SOX10: variants seen among roughly 807,000 people sequenced by gnomAD.
SOX10 encodes transcription factor SOX-10.
Under a neutral mutation model 35.0 loss-of-function variants are expected in SOX10, and 3 were observed. That is an observed-to-expected ratio of 0.09 (90% CI 0.04 to 0.22). SOX10 has a LOEUF of 0.22. Among genes scored for constraint, SOX10 ranks in the 10% least tolerant of loss-of-function variants. The pLI, the probability that SOX10 is intolerant of heterozygous loss-of-function variation, is 1.00. For synonymous variants in SOX10, 285 were observed against 291.0 expected (o/e 0.98, Z 0.21); for missense variants, 436 against 655.1 (o/e 0.67, Z 3.65).
chr22:37,972,319 A>C lies in SOX10; in HGVS notation c.*1176T>G. 9.4e-7 allele frequency: 1 copy of C among 1,066,794 alleles called. No individual in the cohort carries two copies. Among genetic ancestry groups the C allele is most frequent in the Non-Finnish European group, 1.3e-6 (1 of 772,588 alleles). 66.1% of individuals were successfully genotyped at this position (1,066,794 alleles called of 1,614,324 possible). ...TCAGGCTCACCAAGCAGGTAACCGGAACCTTTAATTTTATTATGTGGAATG... is the reference window on the plus strand; with the variant it reads ...TCAGGCTCACCAAGCAGGTAACCGGCACCTTTAATTTTATTATGTGGAATG... On this transcript the variant is annotated 3_prime_UTR_variant, in exon 4 of 4. Transcript: ENST00000396884.
At position 37,978,413 on chromosome 22, in the gene SOX10, G is replaced by T. The variant is rs1932291645; in HGVS notation, c.429-278C>A. On this transcript the variant is annotated intron_variant, in intron 2 of 3. Coordinates refer to ENST00000396884, the MANE Select transcript of SOX10 (RefSeq NM_006941.4). This position sits in a 1 kb window ranked among gnomAD's most constrained non-coding sequence, Gnocchi z 5.0. ...CCCGCTGCTCCTGGCAGCCCCTGAG[G>T]AGGAGTTAGAAGTAGGAGTAGAGGT... Among the ~76,000 whole-genome samples, 1 of 152,242 alleles carries T rather than the reference G, an allele frequency of 6.6e-6. No homozygotes were observed. The highest frequency in any genetic ancestry group is 1.5e-5 in the Non-Finnish European group (1 of 68,038).
Position 37,983,222 on chromosome 22 carries a change from C to T in SOX10, c.428+135G>A. ...TGGAAGGGCGGGCGCGGCCCCCACA[C>T]CTGGTCTTCCAGCCCTATCCAAGGA... On this transcript the variant is annotated intron_variant, in intron 2 of 3. Transcript: ENST00000396884. This position sits in a 1 kb window ranked among gnomAD's most constrained non-coding sequence, Gnocchi z 9.5. 1 of 1,088,612 alleles carries T rather than the reference C, an allele frequency of 9.2e-7. No individual in the cohort carries two copies. The allele number at this position is 1,088,612 out of a possible 1,614,324, so 67.4% of individuals were successfully genotyped here. A position where few individuals can be genotyped will look rare whatever the true frequency, so the allele number is the denominator to read the frequency against.
chr22:37,981,223 C>T (rs1321005574), intron 2 of SOX10, among the ~76,000 whole-genome samples: 1 of 152,234 alleles, frequency 6.6e-6, no homozygotes, highest in Admixed American at 6.5e-5. Flanking sequence ...TTCTTGACAT[C>T]CCAGGAGTCA....
chr22:37,975,945 A>G (rs1376527268), intron 3 of SOX10, among the ~76,000 whole-genome samples: 1 of 152,062 alleles, frequency 6.6e-6, no homozygotes. Context: ...CTATATATAT[A>G]GTAAGAGATA....
chr22:37,979,792 C>T (rs559956523), intron 2 of SOX10, among the ~76,000 whole-genome samples: 19 of 152,006 alleles, frequency 1.2e-4, no homozygotes, highest in Admixed American at 3.3e-4. Flanking sequence ...CAGAGGGGGT[C>T]GAGGGGAAAG....
In SOX10 at chr22:37,972,958, C is replaced by G. The variant is rs565069012; in HGVS notation, c.*537G>C. 108 of 155,500 alleles carry G rather than the reference C, an allele frequency of 6.9e-4. 1 individual carries two copies. The South Asian group carries it at 0.021, about 30-fold the overall frequency. The allele number at this position is 155,500 out of a possible 1,614,324, so 9.6% of individuals were successfully genotyped here. On this transcript the variant is annotated 3_prime_UTR_variant, in exon 4 of 4. Transcript: ENST00000396884. Reference sequence around the variant, plus strand: ...ACTCCACTAAGTCCCTCGAACCCCCCACTCCCCAATGAGGCTCCTCAAAGC... The same window carrying G: ...ACTCCACTAAGTCCCTCGAACCCCCGACTCCCCAATGAGGCTCCTCAAAGC...
chr22:37,976,295 A>G (rs1241396449), intron 3 of SOX10, among the ~76,000 whole-genome samples: 9 of 152,228 alleles, frequency 5.9e-5, no homozygotes, highest in Admixed American at 2.0e-4. Flanking sequence ...TCATGGGCTC[A>G]GGTGATCCTC....
chr22:37,973,781 T>C lies in SOX10; in HGVS notation c.1115A>G (p.Gln372Arg). The C allele has an allele frequency of 6.3e-7, 1 of 1,594,852 alleles. No homozygotes were observed. The highest frequency in any genetic ancestry group is 1.1e-5 in the South Asian group (1 of 89,644). ...GPQGPPHYTD[Q>R]PSTSQIAYTS... Reference sequence around the variant, plus strand: ...GTAGGCGATCTGTGAGGTGGATGGCTGGTCGGTGTAGTGTGGGGGCCCCTG... The same window carrying C: ...GTAGGCGATCTGTGAGGTGGATGGCCGGTCGGTGTAGTGTGGGGGCCCCTG... Residue 372 changes from glutamine (Q) to arginine (R), a missense_variant, in exon 4 of 4, where the codon CAG (glutamine) becomes CGG (arginine). Around this residue, in one of 3 missense-constraint regions of SOX10, gnomAD observed 285 missense variants for 402.9 expected, o/e 0.71. Coordinates refer to ENST00000396884, the MANE Select transcript of SOX10 (RefSeq NM_006941.4).
At position 37,973,125 on chromosome 22, in the gene SOX10, T is replaced by G; in HGVS notation, c.*370A>C. 3 of 224,412 alleles carry G rather than the reference T, an allele frequency of 1.3e-5. No individual in the cohort carries two copies. The highest frequency in any genetic ancestry group is 2.6e-5 in the Non-Finnish European group (3 of 113,810). 13.9% of individuals were successfully genotyped at this position (224,412 alleles called of 1,614,324 possible). A position where few individuals can be genotyped will look rare whatever the true frequency, so the allele number is the denominator to read the frequency against. On this transcript the variant is annotated 3_prime_UTR_variant, in exon 4 of 4. Coordinates refer to ENST00000396884, the MANE Select transcript of SOX10 (RefSeq NM_006941.4). ...AGAGAGAAAACAGGAGTCATAGGAG[T>G]GGTAAGGCCTCCGATGCCACCAACC...
rs1889485360 is a variant in SOX10 at position 37,972,456 on chromosome 22, A to T, written c.*1039T>A. On this transcript the variant is annotated 3_prime_UTR_variant, in exon 4 of 4. Coordinates refer to ENST00000396884, the MANE Select transcript of SOX10 (RefSeq NM_006941.4). ...GATTTGGGGGGCTGCAGAACAGGAA[A>T]ATAGGGGCAGATATAGCTACATACT... is the stretch of plus-strand genomic sequence containing the variant. 2 of 349,742 alleles carry T rather than the reference A, an allele frequency of 5.7e-6. No individual in the cohort carries two copies. Among genetic ancestry groups the T allele is most frequent in the African/African-American group, 4.3e-5 (2 of 46,448 alleles). The allele number at this position is 349,742 out of a possible 1,614,324, so 21.7% of individuals were successfully genotyped here. A position where few individuals can be genotyped will look rare whatever the true frequency, so the allele number is the denominator to read the frequency against.
At position 37,983,597 on chromosome 22, in the gene SOX10, G is replaced by T; in HGVS notation, c.188C>A (p.Ala63Glu). 2 of 1,608,496 alleles carry T rather than the reference G, an allele frequency of 1.2e-6. No individual in the cohort carries two copies. The highest frequency in any genetic ancestry group is 8.5e-7 in the Non-Finnish European group (1 of 1,178,848). ...KVKKEQQDGE[A>E]DDDKFPVCIR... ...GCACACGGGGAACTTGTCATCGTCC[G>T]CCTCGCCGTCCTGCTGCTCCTTCTT... The change falls in exon 2 of 4, where the codon GCG (alanine) becomes GAG (glutamate). Residue 63 changes from alanine (A) to glutamate (E), a missense_variant. By Grantham distance (107) the Ala-to-Glu change is moderately radical. Around this residue, in one of 3 missense-constraint regions of SOX10, gnomAD observed 97 missense variants for 95.5 expected, o/e 1.02. Coordinates refer to ENST00000396884, the MANE Select transcript of SOX10 (RefSeq NM_006941.4). The surrounding 1 kb of genome is among the most constrained non-coding windows in gnomAD (Gnocchi z 9.5).
Position 37,984,533 on chromosome 22 carries a change from A to G in SOX10, c.-279T>C, listed in dbSNP as rs1335321466. 6.7e-6 allele frequency: 1 copy of G among 148,324 alleles called. No homozygotes were observed. Among genetic ancestry groups the G allele is most frequent in the African/African-American group, 2.5e-5 (1 of 40,598 alleles). The allele number at this position is 148,324 out of a possible 1,614,324, so 9.2% of individuals were successfully genotyped here. On this transcript the variant is annotated 5_prime_UTR_variant, in exon 1 of 4. Coordinates refer to ENST00000396884, the MANE Select transcript of SOX10 (RefSeq NM_006941.4). This position sits in a 1 kb window ranked among gnomAD's most constrained non-coding sequence, Gnocchi z 4.4. ...TTACCACCAACCACCCTGGCCGGACAGCCCGAGACTGACTGAGCGACTGAG... is the reference window on the plus strand; with the variant it reads ...TTACCACCAACCACCCTGGCCGGACGGCCCGAGACTGACTGAGCGACTGAG...
intron 3 of SOX10, among the ~76,000 whole-genome samples, chr22:37,976,994 C>T (rs751813407): frequency 2.0e-5 from 3 of 151,612 alleles, no homozygotes; most frequent in Admixed American, 6.6e-5. Flanking sequence ...ATAGTGAAAC[C>T]CTGTCTCTGC....
rs2145762996 is a variant in SOX10 at position 37,974,723 on chromosome 22, G to A, written c.698-525C>T. The stretch of plus-strand genomic sequence containing the variant: ...ATGAAATTCTCAAATCTTAGGGATG[G>A]GTCCTGGGGAGGCCTGCCTCATTCT... On this transcript the variant is annotated intron_variant, in intron 3 of 3. Transcript: ENST00000396884. The surrounding 1 kb of genome is among the most constrained non-coding windows in gnomAD (Gnocchi z 5.4). Among the ~76,000 whole-genome samples the A allele has an allele frequency of 6.6e-6, 1 of 152,216 alleles. No individual in the cohort carries two copies. Among genetic ancestry groups the A allele is most frequent in the South Asian group, 2.1e-4 (1 of 4,818 alleles).
rs1435484490 is a variant in SOX10, at chr22:37,973,169, G to A, written c.*326C>T. On this transcript the variant is annotated 3_prime_UTR_variant, in exon 4 of 4. Coordinates refer to ENST00000396884, the MANE Select transcript of SOX10 (RefSeq NM_006941.4). ...ACCAACCCTGGTGCTTCCCCTCCCC[G>A]AGGAGGGTGAGCAGGCCCTTCTCAG... The A allele has an allele frequency of 3.2e-5, 10 of 311,730 alleles. No individual in the cohort carries two copies. The highest frequency in any genetic ancestry group is 9.5e-5 in the South Asian group (1 of 10,562). The allele number at this position is 311,730 out of a possible 1,614,324, so 19.3% of individuals were successfully genotyped here.
intron 3 of SOX10, among the ~76,000 whole-genome samples, chr22:37,976,122 C>T (rs1172363806): frequency 1.3e-5 from 2 of 152,148 alleles, no homozygotes; most frequent in African/African-American, 4.8e-5. Flanking sequence ...ACTTAGGAGG[C>T]TGAGGCACAA....
chr22:37,974,116 C>A lies in SOX10; in HGVS notation c.780G>T (p.Gly260=). The A allele has an allele frequency of 6.2e-7, 1 of 1,613,338 alleles. No individual in the cohort carries two copies. The highest frequency in any genetic ancestry group is 8.5e-7 in the Non-Finnish European group (1 of 1,180,006). The change falls in exon 4 of 4, where the codon GGG becomes GGT. Residue 260 remains glycine (G), a synonymous_variant. Coordinates refer to ENST00000396884, the MANE Select transcript of SOX10 (RefSeq NM_006941.4). The surrounding 1 kb of genome is among the most constrained non-coding windows in gnomAD (Gnocchi z 5.4). ...QSGKADPKRD[G]RSMGEGGKPH... ...GCTTCCCGCCCTCCCCCATGGAGCG[C>A]CCGTCCCGCTTCGGGTCTGCCTTGC...
At position 37,983,055 on chromosome 22, in the gene SOX10, C is replaced by T. The variant is rs1309906518; in HGVS notation, c.428+302G>A. Reference sequence around the variant, plus strand: ...TCTGTGGGCAGGAGTTAGTGAAGGCCTCCTTCCCTCCCTCCAAAGCCCCAG... The same window carrying T: ...TCTGTGGGCAGGAGTTAGTGAAGGCTTCCTTCCCTCCCTCCAAAGCCCCAG... On this transcript the variant is annotated intron_variant, in intron 2 of 3. Transcript: ENST00000396884. This position sits in a 1 kb window ranked among gnomAD's most constrained non-coding sequence, Gnocchi z 9.5. Among the ~76,000 whole-genome samples the T allele has an allele frequency of 2.1e-4, 32 of 152,354 alleles. No individual in the cohort carries two copies. The highest frequency in any genetic ancestry group is 4.4e-5 in the Non-Finnish European group (3 of 68,026).
intron 2 of SOX10, among the ~76,000 whole-genome samples, chr22:37,981,930 C>A (rs553330001): frequency 6.6e-6 from 1 of 152,274 alleles, no homozygotes; most frequent in South Asian, 2.1e-4. Flanking sequence ...AAACACATGG[C>A]AAGAACAGGC....
Sources: allele counts gnomAD v4.1 joint callset (sites outside exome capture counted in the v4.1 genomes callset), GRCh38; gene constraint gnomAD v4.1.1; regional missense constraint gnomAD v4.1.1; non-coding constraint Gnocchi (gnomAD v3.1); transcripts MANE v1.5; gene names NCBI Gene and HGNC (gene_info 2026-07-23, HGNC 2026-07-21).